The following AKR1E2 variants were observed in gnomAD, a reference collection of about 807,000 sequenced individuals.
The protein encoded by AKR1E2 is aldo-keto reductase family 1 member E2.
In AKR1E2, 43 loss-of-function variants were observed where a neutral mutation model predicts 41.9. That is an observed-to-expected ratio of 1.03 (90% CI 0.80 to 1.32). The LOEUF is 1.32. Among genes scored for constraint, AKR1E2 ranks in the 40% most tolerant of loss-of-function variants. The probability of loss-of-function intolerance (pLI) is 0.00; values close to 1 mark genes in which losing one functional copy is unlikely to be tolerated. For missense variants in AKR1E2, 423 were observed against 396.5 expected (o/e 1.07, Z -0.57); for synonymous variants, 121 against 138.9 (o/e 0.87, Z 0.91).
the AKR1E2 span, among the ~76,000 whole-genome samples, chr10:4,859,591 G>T: frequency 6.6e-6 from 1 of 152,180 alleles, no homozygotes; most frequent in Non-Finnish European, 1.5e-5. Flanking sequence ...TAAGTGTGGG[G>T]ATACAATTCT....
At chr10:4,848,626 A>C (rs1049305373), downstream of AKR1E2, among the ~76,000 whole-genome samples, 9 of 152,192 alleles carry the variant, frequency 5.9e-5, no homozygotes, top group African/African-American at 2.2e-4. Context: ...ATCAGCCTCC[A>C]AACAAGCCTC....
Position 4,842,472 on chromosome 10 carries a change from A to G in AKR1E2, c.805A>G (p.Ile269Val). 3 of 1,614,154 alleles carry G rather than the reference A, an allele frequency of 1.9e-6. No homozygotes were observed. Among genetic ancestry groups the G allele is most frequent in the East Asian group, 2.2e-5 (1 of 44,884 alleles). The change falls in exon 8 of 10, where the codon ATC (isoleucine) becomes GTC (valine). Residue 269 changes from isoleucine to valine, a missense_variant. Transcript: ENST00000298375. ...GAATGTGATAGTGATCCCCGGATCT[A>G]TCACCCCAAGTCACATTAAAGAGAA... The part of the protein sequence containing the change: ...QRNVIVIPGS[I>V]TPSHIKENIQ...
intron 1 of AKR1E2, among the ~76,000 whole-genome samples, 176 bp from the exon 2 acceptor site, chr10:4,830,499 A>T: frequency 6.6e-6 from 1 of 152,140 alleles, no homozygotes. Flanking sequence ...TGGAACTTAG[A>T]TTATTCATAA....
chr10:4,855,718 G>A, the AKR1E2 span, among the ~76,000 whole-genome samples: 39,471 of 152,164 alleles, frequency 0.26, 5,333 homozygotes, highest in Middle Eastern at 0.37. Context: ...AATAAAAAGT[G>A]TAATGCCTTT....
the AKR1E2 span, among the ~76,000 whole-genome samples, chr10:4,853,231 C>G: frequency 1.0e-3 from 156 of 152,210 alleles, no homozygotes; most frequent in Non-Finnish European, 1.7e-3. Flanking sequence ...TTTAATAAGT[C>G]TGGCTTTGTA....
chr10:4,857,032 A>G, the AKR1E2 span, among the ~76,000 whole-genome samples: 1 of 152,096 alleles, frequency 6.6e-6, no homozygotes, highest in Non-Finnish European at 1.5e-5. Context: ...GGCAACCACA[A>G]GTCTACTTTC....
chr10:4,835,642 G>C, intron 3 of AKR1E2, 33 bp from the exon 4 acceptor site: 2 of 1,476,740 alleles, frequency 1.4e-6, no homozygotes, highest in Non-Finnish European at 9.3e-7. Context: ...GTTTTGTTTT[G>C]TTTTCACACA....
At chr10:4,830,651 C>T (rs767900943) in intron 1 of AKR1E2, 24 bp from the exon 2 acceptor site, 3 of 1,612,216 alleles carry the variant, frequency 1.9e-6, no homozygotes, top group South Asian at 2.2e-5. Flanking sequence ...TGTGAGAAGA[C>T]ACTTTGTTTT....
At chr10:4,851,345 C>T (rs149016250), downstream of AKR1E2, among the ~76,000 whole-genome samples, 2 of 152,160 alleles carry the variant, frequency 1.3e-5, no homozygotes, top group South Asian at 2.1e-4. Flanking sequence ...TTGTCACTCC[C>T]GGTTGGATTC....
chr10:4,838,242 T>TCATTCC (rs1833593265), intron 5 of AKR1E2, among the ~76,000 whole-genome samples: 1 of 152,212 alleles, frequency 6.6e-6, no homozygotes, highest in Non-Finnish European at 1.5e-5. Flanking sequence ...GAGCACAGCA[T>TCATTCC]CATTCCCATT....
the AKR1E2 span, among the ~76,000 whole-genome samples, chr10:4,867,665 C>T: frequency 3.9e-5 from 6 of 152,172 alleles, no homozygotes; most frequent in South Asian, 2.1e-4. Context: ...GCAAAGATAA[C>T]GCCATTCATC....
chr10:4,868,908 C>A, the AKR1E2 span, among the ~76,000 whole-genome samples: 7 of 152,016 alleles, frequency 4.6e-5, no homozygotes, highest in Admixed American at 1.3e-4. Flanking sequence ...GTGTATAATT[C>A]TTTTTATATT....
intron 3 of AKR1E2, among the ~76,000 whole-genome samples, chr10:4,835,279 A>T (rs1833310230): frequency 6.6e-6 from 1 of 152,218 alleles, no homozygotes; most frequent in Non-Finnish European, 1.5e-5. Context: ...TCTAAGAAAG[A>T]AGACAAGACC....
chr10:4,868,302 C>T, the AKR1E2 span, among the ~76,000 whole-genome samples: 9 of 152,242 alleles, frequency 5.9e-5, no homozygotes, highest in Admixed American at 5.9e-4. Flanking sequence ...TATGGCCATC[C>T]TGAGTCTCTT....
chr10:4,861,993 GAAGT>G, the AKR1E2 span, among the ~76,000 whole-genome samples: 3 of 152,180 alleles, frequency 2.0e-5, no homozygotes, highest in East Asian at 5.8e-4. Flanking sequence ...TTTTAGACAT[GAAGT>G]CCTTGCCCAT....
intron 1 of AKR1E2, among the ~76,000 whole-genome samples, chr10:4,827,272 C>G (rs538248126): frequency 3.3e-5 from 5 of 152,130 alleles, no homozygotes; most frequent in African/African-American, 9.6e-5. Context: ...TTAAATCAAG[C>G]TAATTAACAT....
chr10:4,867,042 C>A, the AKR1E2 span, among the ~76,000 whole-genome samples: 1 of 152,082 alleles, frequency 6.6e-6, no homozygotes, highest in African/African-American at 2.4e-5. Context: ...CCTACAAAGG[C>A]AAATCTAGTC....
chr10:4,866,901 G>A, the AKR1E2 span, among the ~76,000 whole-genome samples: 1 of 152,078 alleles, frequency 6.6e-6, no homozygotes, highest in Non-Finnish European at 1.5e-5. Context: ...AGTGGGGCCG[G>A]CTGATCCATC....
At chr10:4,869,538 T>G in the AKR1E2 span, among the ~76,000 whole-genome samples, 1 of 152,172 alleles carries the variant, frequency 6.6e-6, no homozygotes, top group Admixed American at 6.5e-5. Context: ...CTCCTCTATT[T>G]ATTATTTCCA....
Sources: gnomAD v4.1 joint callset for allele counts (sites outside exome capture counted in the v4.1 genomes callset) on GRCh38, gnomAD v4.1.1 for gene constraint, MANE v1.5 for transcripts, NCBI Gene and HGNC (gene_info 2026-07-23, HGNC 2026-07-21) for gene names.